The following CSMD2 variants were observed in gnomAD, a reference collection of about 807,000 sequenced individuals.
CSMD2 encodes CUB and sushi domain-containing protein 2.
In CSMD2, 130 loss-of-function variants were observed where a neutral mutation model predicts 398.5. The ratio of observed to expected loss-of-function variants is 0.33; its 90% CI spans 0.28 to 0.38. CSMD2 has a LOEUF of 0.38. Ranked by LOEUF, CSMD2 falls within the 10% of genes least tolerant of loss-of-function variation. The pLI is 1.00. For missense variants in CSMD2, 3,829 were observed against 4,764.9 expected (o/e 0.80, Z 5.78); for synonymous variants, 1,828 against 1,908.5 (o/e 0.96, Z 1.10).
intron 13 of CSMD2, among the ~76,000 whole-genome samples, chr1:33,747,163 G>A (rs1179865629): frequency 6.6e-6 from 1 of 152,204 alleles, no homozygotes; most frequent in Non-Finnish European, 1.5e-5. Context: ...GTAGGATAAA[G>A]TTGAGGTTAA....
At chr1:33,803,958 T>G (rs1440386682) in intron 10 of CSMD2, among the ~76,000 whole-genome samples, 7 of 152,230 alleles carry the variant, frequency 4.6e-5, no homozygotes, top group Admixed American at 3.3e-4. Flanking sequence ...CCCAGCTATG[T>G]AAGTGCATGG....
At position 33,636,286 on chromosome 1, in the gene CSMD2, C is replaced by G; in HGVS notation, c.4969+74G>C. The G allele has an allele frequency of 1.4e-6, 2 of 1,441,400 alleles. No individual in the cohort carries two copies. The highest frequency in any genetic ancestry group is 1.9e-6 in the Non-Finnish European group (2 of 1,070,122). The allele number at this position is 1,441,400 out of a possible 1,614,324, so 89.3% of individuals were successfully genotyped here. The stretch of plus-strand genomic sequence containing the variant: ...TGAGGACCTTGCCCCCCTCCCTTCC[C>G]CAGCCCACAGCACCCTCTGCCCCTG... On this transcript the variant is annotated intron_variant, in intron 30 of 70. Transcript: ENST00000373381. The surrounding 1 kb of genome is among the most constrained non-coding windows in gnomAD (Gnocchi z 4.8).
At chr1:33,984,195 G>T (rs1439422002) in intron 3 of CSMD2, among the ~76,000 whole-genome samples, 2 of 152,014 alleles carry the variant, frequency 1.3e-5, no homozygotes, top group African/African-American at 4.8e-5. Context: ...ACATAGCTTG[G>T]GCCTTCCCTT....
At chr1:33,556,048 C>A (rs1290609334) in intron 55 of CSMD2, among the ~76,000 whole-genome samples, 5 of 151,914 alleles carry the variant, frequency 3.3e-5, no homozygotes, top group Non-Finnish European at 7.4e-5. Flanking sequence ...ATCAAGAGAA[C>A]CAGAATTAGA....
At chr1:33,625,596 T>C (rs1013202293) in intron 33 of CSMD2, among the ~76,000 whole-genome samples, 3 of 152,156 alleles carry the variant, frequency 2.0e-5, no homozygotes, top group Non-Finnish European at 4.4e-5. Flanking sequence ...CTTCCTCCTC[T>C]ACCTTCAGGG....
At chr1:33,704,167 A>C (rs936992939) in intron 22 of CSMD2, among the ~76,000 whole-genome samples, 12 of 152,170 alleles carry the variant, frequency 7.9e-5, no homozygotes, top group Non-Finnish European at 1.5e-5. Flanking sequence ...TCCTGATTGC[A>C]AGTTTTATTT....
chr1:33,677,176 C>A (rs1330229088), intron 25 of CSMD2, among the ~76,000 whole-genome samples: 1 of 152,092 alleles, frequency 6.6e-6, no homozygotes, highest in Admixed American at 6.5e-5. Context: ...AACAGGCAAC[C>A]TACAGAATGG....
chr1:33,631,794 T>C (rs1242950928), intron 32 of CSMD2, among the ~76,000 whole-genome samples: 1 of 152,146 alleles, frequency 6.6e-6, no homozygotes, highest in Non-Finnish European at 1.5e-5. Context: ...TTTTATTAAA[T>C]CCCAGTCAAG....
At chr1:34,092,707 A>G (rs1161005100) in intron 1 of CSMD2, among the ~76,000 whole-genome samples, 1 of 152,216 alleles carries the variant, frequency 6.6e-6, no homozygotes, top group Non-Finnish European at 1.5e-5. Context: ...CGACGGGCTT[A>G]AAAAACGGCG....
At chr1:33,792,064 C>T (rs571198928) in intron 11 of CSMD2, among the ~76,000 whole-genome samples, 2 of 152,276 alleles carry the variant, frequency 1.3e-5, no homozygotes, top group African/African-American at 2.4e-5. Flanking sequence ...GGTCAGGCTG[C>T]CACGGCTGGA....
intron 29 of CSMD2, 88 bp downstream of exon 29, chr1:33,646,560 C>A: frequency 7.0e-7 from 1 of 1,422,346 alleles, no homozygotes; most frequent in South Asian, 1.3e-5. Flanking sequence ...TGGTCCAGCC[C>A]AGGGCTCTCC....
At chr1:33,977,314 T>C (rs760889711) in intron 3 of CSMD2, among the ~76,000 whole-genome samples, 42 of 151,676 alleles carry the variant, frequency 2.8e-4, no homozygotes, top group Non-Finnish European at 1.2e-4. Flanking sequence ...GAACAGGAGA[T>C]TCAACCTCAT....
At chr1:33,874,106 T>A (rs1259787573) in intron 5 of CSMD2, among the ~76,000 whole-genome samples, 1 of 152,230 alleles carries the variant, frequency 6.6e-6, no homozygotes, top group Non-Finnish European at 1.5e-5. Context: ...TTATAGCAAC[T>A]GTTTGTCCCC....
At chr1:33,650,257 A>G (rs1385635814) in intron 28 of CSMD2, among the ~76,000 whole-genome samples, 1 of 152,220 alleles carries the variant, frequency 6.6e-6, no homozygotes, top group Non-Finnish European at 1.5e-5. Context: ...ATGGTGCTGT[A>G]GGAAGTGACA....
intron 5 of CSMD2, among the ~76,000 whole-genome samples, chr1:33,893,444 A>G (rs1364498548): frequency 6.6e-6 from 1 of 152,248 alleles, no homozygotes; most frequent in Non-Finnish European, 1.5e-5. Context: ...TGAAGCACAA[A>G]GCAGCTTTCA....
chr1:33,537,543 C>G lies in CSMD2; in HGVS notation c.9698G>C (p.Arg3233Thr), dbSNP rs775197313. ...ATGGCAGGAGAAGGAGACAGATGAC[C>G]TGTAGGAGAAGCCTCGGTCCTCTCT... ...GRREDRGFSY[R>T]SSVSFSCHPP... Residue 3233 changes from arginine to threonine, a missense_variant, in exon 61 of 71, where the codon AGG becomes ACG. Transcript: ENST00000373381. This position sits in a 1 kb window ranked among gnomAD's most constrained non-coding sequence, Gnocchi z 4.6. 6 of 1,614,246 alleles carry G rather than the reference C, an allele frequency of 3.7e-6. No individual in the cohort carries two copies. The highest frequency in any genetic ancestry group is 3.3e-5 in the Admixed American group (2 of 60,036).
At chr1:33,803,272 C>T (rs571902087) in intron 10 of CSMD2, among the ~76,000 whole-genome samples, 2 of 152,248 alleles carry the variant, frequency 1.3e-5, no homozygotes, top group East Asian at 1.9e-4. Flanking sequence ...TCAGTCTTTC[C>T]AAGAAATGTT....
At chr1:33,810,625 A>T in intron 10 of CSMD2, 118 bp downstream of exon 10, 1 of 1,040,378 alleles carries the variant, frequency 9.6e-7, no homozygotes, top group Non-Finnish European at 1.4e-6. Context: ...AAAAAGTAAA[A>T]GAACTGTCTG....
intron 3 of CSMD2, among the ~76,000 whole-genome samples, chr1:34,029,426 A>C (rs183383426): frequency 7.5e-4 from 114 of 152,334 alleles, no homozygotes; most frequent in African/African-American, 1.8e-3. Flanking sequence ...AATAAGCTCA[A>C]CGATAGACAT....
Sources: allele counts gnomAD v4.1 joint callset (sites outside exome capture counted in the v4.1 genomes callset), GRCh38; gene constraint gnomAD v4.1.1; non-coding constraint Gnocchi (gnomAD v3.1); transcripts MANE v1.5; gene names NCBI Gene and HGNC (gene_info 2026-07-23, HGNC 2026-07-21).